The following CNGB1 variants were observed in gnomAD, a reference collection of about 807,000 sequenced individuals.
The protein encoded by CNGB1 is cyclic nucleotide-gated channel beta-1.
A neutral mutation model predicts 151.7 loss-of-function variants in CNGB1; 126 were observed. The observed-to-expected ratio is 0.83, with a 90% CI of 0.72 to 0.96. CNGB1 has a LOEUF of 0.96. Ranked by LOEUF, CNGB1 falls within the 40% of genes least tolerant of loss-of-function variation. The pLI, the probability that CNGB1 is intolerant of heterozygous loss-of-function variation, is 0.00. For missense variants in CNGB1, 1,698 were observed against 1,627.0 expected, an observed-to-expected ratio of 1.04 and a Z score of -0.75; for synonymous variants, 623 against 635.1, an observed-to-expected ratio of 0.98 and a Z score of 0.29.
rs150709549 is a variant in CNGB1 at position 57,922,507 on chromosome 16, C to T, written c.1643+766G>A. Among the ~76,000 whole-genome samples the T allele has an allele frequency of 2.9e-3, 438 of 151,354 alleles. 5 individuals are homozygous for T. The highest frequency in any genetic ancestry group is 9.8e-3 in the African/African-American group (400 of 40,968). ...GCAGAGGTGTGATCTCAGCTCACTG[C>T]AACCTCTACCTCCCAGGTTCAAGTG... On this transcript the variant is annotated intron_variant, in intron 18 of 32. Coordinates refer to ENST00000251102, the MANE Select transcript of CNGB1 (RefSeq NM_001297.5).
intron 17 of CNGB1, among the ~76,000 whole-genome samples, chr16:57,927,960 C>T (rs1206878956): frequency 2.0e-5 from 3 of 152,218 alleles, no homozygotes; most frequent in Non-Finnish European, 4.4e-5. Context: ...CCTCACAGCC[C>T]TCAGTTTGCT....
At chr16:57,909,129 G>T (rs1960637722) in intron 25 of CNGB1, among the ~76,000 whole-genome samples, 2 of 152,158 alleles carry the variant, frequency 1.3e-5, no homozygotes, top group Non-Finnish European at 2.9e-5. Context: ...TTAGCTAGGT[G>T]CAGTGGCGTG....
At chr16:57,940,039 TC>T (rs1961623431) in intron 15 of CNGB1, among the ~76,000 whole-genome samples, 194 bp downstream of exon 15, 1 of 152,058 alleles carries the variant, frequency 6.6e-6, no homozygotes, top group African/African-American at 2.4e-5. Flanking sequence ...TCCACCCGTC[TC>T]CCCACCCACG....
rs1421945422 is a variant in CNGB1 at position 57,930,500 on chromosome 16, A to G, written c.1535+1216T>C. 2.2e-5 allele frequency among the ~76,000 whole-genome samples: 3 copies of G among 136,916 alleles called. No individual in the cohort carries two copies. The Admixed American group carries it at 2.2e-4, about 10-fold the overall frequency. The allele number at this position is 136,916 out of a possible 152,430, so 89.8% of individuals were successfully genotyped here. A position where few individuals can be genotyped will look rare whatever the true frequency, so the allele number is the denominator to read the frequency against. The stretch of plus-strand genomic sequence containing the variant: ...CAGAGAGAGATCTTGTCTGAAAGGA[A>G]GAAAGCAGGAGAGGGGAGGGAAGGA... On this transcript the variant is annotated intron_variant, in intron 17 of 32. Transcript: ENST00000251102.
At chr16:57,904,647 A>G in intron 26 of CNGB1, 87 bp downstream of exon 26, 13 of 1,585,298 alleles carry the variant, frequency 8.2e-6, no homozygotes, top group South Asian at 1.1e-5. Flanking sequence ...TCCAAAAGCA[A>G]CGGGCACAGA....
intron 27 of CNGB1, among the ~76,000 whole-genome samples, chr16:57,902,853 T>A (rs1960427874): frequency 6.6e-6 from 1 of 152,030 alleles, no homozygotes; most frequent in African/African-American, 2.4e-5. Flanking sequence ...GCTCAAGTGA[T>A]CCTCCCGCCT....
rs771473576 is a variant in CNGB1 at position 57,887,891 on chromosome 16, CA to C, written c.3425del (p.Leu1142ArgfsTer82). 6.2e-7 allele frequency: 1 copy of C among 1,614,220 alleles called. No homozygotes were observed. The highest frequency in any genetic ancestry group is 8.5e-7 in the Non-Finnish European group (1 of 1,180,042). Reference sequence around the variant, plus strand: ...ACTCTTGCTGCTTTGCAGCCGCCTCCAGCGCGGCCAGTTCTTTGAGCCGGGC... The same window carrying C: ...ACTCTTGCTGCTTTGCAGCCGCCTCCGCGCGGCCAGTTCTTTGAGCCGGGC... ...LRARLKELAA[L>X]EAAAKQQELV... On this transcript the variant is annotated frameshift_variant, in exon 32 of 33. Transcript: ENST00000251102. LOFTEE classifies it low-confidence loss of function (END_TRUNC).
intron 23 of CNGB1, 105 bp downstream of exon 23, chr16:57,915,144 G>A (rs1294433077): frequency 2.3e-6 from 2 of 875,930 alleles, no homozygotes; most frequent in African/African-American, 1.7e-5. Flanking sequence ...CATCCCTTGA[G>A]GAACTCCCCT....
At chr16:57,956,855 G>T (rs1450528005) in intron 12 of CNGB1, among the ~76,000 whole-genome samples, 2 of 152,148 alleles carry the variant, frequency 1.3e-5, no homozygotes, top group East Asian at 3.9e-4. Context: ...GCTCAGGGCT[G>T]GGATAAAGGG....
chr16:57,913,119 T>C (rs1243106777), intron 23 of CNGB1, 125 bp from the exon 24 acceptor site: 8 of 834,256 alleles, frequency 9.6e-6, no homozygotes, highest in Non-Finnish European at 1.6e-5. Flanking sequence ...ACGGTGAGCA[T>C]TCAATATCAG....
chr16:57,946,246 C>T (rs1417732912), intron 14 of CNGB1: 1 of 152,424 alleles, frequency 6.6e-6, no homozygotes, highest in Non-Finnish European at 1.5e-5. Context: ...TACCCGTCCA[C>T]TCCTCCCGCC....
chr16:57,966,279 C>T (rs1390223309), intron 2 of CNGB1, among the ~76,000 whole-genome samples: 1 of 152,228 alleles, frequency 6.6e-6, no homozygotes, highest in Non-Finnish European at 1.5e-5. Context: ...GCAGAATGAA[C>T]TGGCTGGGCT....
Position 57,958,485 on chromosome 16 carries a change from C to T in CNGB1, c.762G>A (p.Arg254=). ...GCCTGTGCAGGACCCATGCCACCAG[C>T]CTGCAGGTGGGAGAGAGTGTGCGGT... ...SSLPPTRDPA[R]LVAWVLHRLE... The change falls in exon 11 of 33, where the codon AGG becomes AGA. Residue 254 remains arginine, a splice_region_variant and synonymous_variant. Transcript: ENST00000251102. 1 of 1,613,996 alleles carries T rather than the reference C, an allele frequency of 6.2e-7. No individual in the cohort carries two copies. Among genetic ancestry groups the T allele is most frequent in the Non-Finnish European group, 8.5e-7 (1 of 1,179,906 alleles).
In CNGB1 at chr16:57,911,715, C is replaced by A; in HGVS notation, c.2492+38G>T. 4 of 1,612,644 alleles carry A rather than the reference C, an allele frequency of 2.5e-6. No homozygotes were observed. The South Asian group carries it at 4.4e-5, about 18-fold the overall frequency. Reference sequence around the variant, plus strand: ...TGCGAATTATAAAGAACAGGAAGGTCACCCAGGCATGGCCCCAGGGGGAGG... The same window carrying A: ...TGCGAATTATAAAGAACAGGAAGGTAACCCAGGCATGGCCCCAGGGGGAGG... On this transcript the variant is annotated intron_variant, in intron 25 of 32. Coordinates refer to ENST00000251102, the MANE Select transcript of CNGB1 (RefSeq NM_001297.5).
chr16:57,958,310 TG>T, intron 11 of CNGB1, 99 bp downstream of exon 11: 1 of 645,658 alleles, frequency 1.5e-6, no homozygotes, highest in Non-Finnish European at 2.3e-6. Context: ...CTGGGGGAGC[TG>T]GGCTTCTGCC....
At chr16:57,902,597 G>A (rs992706920) in intron 27 of CNGB1, among the ~76,000 whole-genome samples, 5 of 139,534 alleles carry the variant, frequency 3.6e-5, no homozygotes, top group Admixed American at 7.5e-5. Context: ...ATGAGCCACC[G>A]CACAGGTACT....
chr16:57,922,583 C>A (rs541655620), intron 18 of CNGB1, among the ~76,000 whole-genome samples: 1 of 152,198 alleles, frequency 6.6e-6, no homozygotes, highest in South Asian at 2.1e-4. Context: ...CATGTGCCAC[C>A]ACGCCCGGCT....
At chr16:57,903,761 C>T (rs949407018) in intron 27 of CNGB1, 61 bp downstream of exon 27, 96 of 1,594,814 alleles carry the variant, frequency 6.0e-5, no homozygotes, top group Admixed American at 1.7e-4. Context: ...GGCATGGCAC[C>T]GGGCACCAGG....
intron 5 of CNGB1, 32 bp downstream of exon 5, chr16:57,962,942 C>T: frequency 3.7e-6 from 6 of 1,612,482 alleles, no homozygotes; most frequent in Non-Finnish European, 5.1e-6. Context: ...CCTCTCCAAC[C>T]CGGCCCCTTC....
Sources: gnomAD v4.1 joint callset for allele counts (sites outside exome capture counted in the v4.1 genomes callset) on GRCh38, gnomAD v4.1.1 for gene constraint, MANE v1.5 for transcripts, NCBI Gene and HGNC (gene_info 2026-07-23, HGNC 2026-07-21) for gene names.